GABRB1: variants seen among roughly 807,000 people sequenced by gnomAD.
GABRB1 encodes the protein gamma-aminobutyric acid type A receptor subunit beta1.
In GABRB1, 17 loss-of-function variants were observed where a neutral mutation model predicts 51.6. That is an observed-to-expected ratio of 0.33 (90% CI 0.23 to 0.49). The LOEUF (loss-of-function observed/expected upper bound fraction) is 0.49. Ranked by LOEUF, GABRB1 falls within the 20% of genes least tolerant of loss-of-function variation. The pLI is 0.99. For synonymous variants in GABRB1, 247 were observed against 218.9 expected, an observed-to-expected ratio of 1.13 and a Z score of -1.14; for missense variants, 410 against 600.6, an observed-to-expected ratio of 0.68 and a Z score of 3.32.
chr4:47,027,250 A>G (rs933896799), upstream of GABRB1, among the ~76,000 whole-genome samples: 5 of 151,674 alleles, frequency 3.3e-5, no homozygotes, highest in African/African-American at 4.8e-5. Flanking sequence ...ACCACAATTT[A>G]TCAAACAGTA....
intron 5 of GABRB1, among the ~76,000 whole-genome samples, chr4:47,402,807 C>T (rs1426773307): frequency 1.3e-5 from 2 of 152,068 alleles, no homozygotes; most frequent in African/African-American, 2.4e-5. Context: ...AAAAGCTTGC[C>T]AAATTTTCTA....
At chr4:47,052,498 G>A (rs1056162062) in intron 3 of GABRB1, among the ~76,000 whole-genome samples, 1 of 152,226 alleles carries the variant, frequency 6.6e-6, no homozygotes, top group African/African-American at 2.4e-5. Context: ...ACAAGCATAT[G>A]GCTATCAATT....
intron 4 of GABRB1, among the ~76,000 whole-genome samples, chr4:47,305,746 C>T (rs1327638366): frequency 6.6e-6 from 1 of 152,046 alleles, no homozygotes; most frequent in African/African-American, 2.4e-5. Context: ...AATTATCACC[C>T]AGTATTAAAT....
chr4:47,018,102 GCCT>G (rs1458117499), intron 1 of GABRB1, among the ~76,000 whole-genome samples: 2 of 140,600 alleles, frequency 1.4e-5, no homozygotes, highest in East Asian at 2.1e-4. Flanking sequence ...TTCCTCCTCT[GCCT>G]CCTCTTCTTC....
chr4:47,065,467 T>C (rs1727035686), intron 3 of GABRB1, among the ~76,000 whole-genome samples: 1 of 152,158 alleles, frequency 6.6e-6, no homozygotes, highest in Non-Finnish European at 1.5e-5. Context: ...ATTCACAAAC[T>C]GACATCATAA....
chr4:47,254,014 G>A (rs796986795), intron 4 of GABRB1, among the ~76,000 whole-genome samples: 31 of 152,222 alleles, frequency 2.0e-4, no homozygotes, highest in African/African-American at 7.0e-4. Flanking sequence ...TAAAAAGATT[G>A]TACTGACAAT....
intron 4 of GABRB1, among the ~76,000 whole-genome samples, chr4:47,221,340 G>A (rs1283876109): frequency 2.0e-5 from 3 of 151,920 alleles, no homozygotes; most frequent in African/African-American, 7.2e-5. Context: ...CAAGTTAAGT[G>A]TTCAAATTTT....
intron 1 of GABRB1, among the ~76,000 whole-genome samples, chr4:47,020,015 G>A (rs1724884575): frequency 6.6e-6 from 1 of 151,668 alleles, no homozygotes; most frequent in Admixed American, 6.6e-5. Context: ...CGAACTCTTG[G>A]ACTCAAGCAA....
chr4:46,995,271 G>A (rs3762611), intron 1 of GABRB1, among the ~76,000 whole-genome samples: 13,991 of 152,220 alleles, frequency 0.092, 732 homozygotes, highest in South Asian at 0.19. Flanking sequence ...GGGAAAAATA[G>A]CGGAAGAACT....
At chr4:47,314,754 GA>G (rs1446709437) in intron 4 of GABRB1, among the ~76,000 whole-genome samples, 5 of 151,910 alleles carry the variant, frequency 3.3e-5, no homozygotes, top group Admixed American at 6.6e-5. Flanking sequence ...CCAGAAGATT[GA>G]AATTACACTC....
intron 3 of GABRB1, among the ~76,000 whole-genome samples, chr4:47,113,110 G>T (rs536622894): frequency 6.6e-6 from 1 of 152,244 alleles, no homozygotes; most frequent in South Asian, 2.1e-4. Context: ...TCAGGGCCGG[G>T]TGCAGTGGTT....
intron 5 of GABRB1, among the ~76,000 whole-genome samples, chr4:47,336,879 G>T (rs1725719838): frequency 6.6e-6 from 1 of 152,208 alleles, no homozygotes. Flanking sequence ...TCATAACAAG[G>T]TCTAGAGATG....
chr4:47,102,298 A>T (rs552669805), intron 3 of GABRB1, among the ~76,000 whole-genome samples: 1 of 152,122 alleles, frequency 6.6e-6, no homozygotes, highest in South Asian at 2.1e-4. Context: ...CATTAGCAAC[A>T]AATAGCCACA....
chr4:47,285,989 G>C (rs1723497503), intron 4 of GABRB1, among the ~76,000 whole-genome samples: 1 of 152,168 alleles, frequency 6.6e-6, no homozygotes, highest in Non-Finnish European at 1.5e-5. Context: ...ATGTGCCTGA[G>C]CTAAATTGCA....
intron 3 of GABRB1, among the ~76,000 whole-genome samples, chr4:47,064,625 C>A (rs1207467330): frequency 8.9e-6 from 1 of 111,758 alleles, no homozygotes; most frequent in Non-Finnish European, 1.7e-5. Flanking sequence ...GAAATAAGAG[C>A]GAGGAGACTC....
At chr4:47,115,486 A>G (rs1427258645) in intron 3 of GABRB1, among the ~76,000 whole-genome samples, 1 of 151,022 alleles carries the variant, frequency 6.6e-6, no homozygotes, top group Non-Finnish European at 1.5e-5. Context: ...GGAACAATTG[A>G]CTTTTTATGA....
chr4:47,242,048 C>T (rs1323739913), intron 4 of GABRB1, among the ~76,000 whole-genome samples: 1 of 152,050 alleles, frequency 6.6e-6, no homozygotes. Context: ...CCACCCACCC[C>T]ACGACAGGCC....
At chr4:47,346,638 C>A (rs186782308) in intron 5 of GABRB1, among the ~76,000 whole-genome samples, 11 of 152,200 alleles carry the variant, frequency 7.2e-5, no homozygotes, top group African/African-American at 2.6e-4. Context: ...CATTATTGCC[C>A]CAGAAAGACA....
intron 3 of GABRB1, among the ~76,000 whole-genome samples, chr4:47,061,998 T>C (rs1726864513): frequency 1.3e-5 from 2 of 152,222 alleles, no homozygotes; most frequent in Non-Finnish European, 2.9e-5. Flanking sequence ...ATCAGTGTCA[T>C]ATTTATCTTC....
Sources: allele counts gnomAD v4.1 joint callset (sites outside exome capture counted in the v4.1 genomes callset), GRCh38; gene constraint gnomAD v4.1.1; transcripts MANE v1.5; gene names NCBI Gene and HGNC (gene_info 2026-07-23, HGNC 2026-07-21).